TNRC6B: variants seen among roughly 807,000 people sequenced by gnomAD.
TNRC6B encodes trinucleotide repeat-containing gene 6B protein.
TNRC6B carries 52 observed loss-of-function variants against 203.6 expected under a neutral mutation model. The ratio of observed to expected loss-of-function variants is 0.26; its 90% CI spans 0.20 to 0.32. TNRC6B has a LOEUF of 0.32. Among genes scored for constraint, TNRC6B ranks in the 10% least tolerant of loss-of-function variants. TNRC6B has a pLI of 1.00. For missense variants in TNRC6B, 1,923 were observed against 2,286.2 expected, an observed-to-expected ratio of 0.84 and a Z score of 3.24; for synonymous variants, 838 against 845.7, an observed-to-expected ratio of 0.99 and a Z score of 0.16.
intron 4 of TNRC6B, 150 bp from the exon 5 acceptor site, chr22:40,264,538 A>G (rs1308985832): frequency 2.5e-6 from 2 of 795,544 alleles, no homozygotes; most frequent in African/African-American, 3.5e-5. Context: ...AGAGATGACT[A>G]AGACAGTTGT....
chr22:40,274,393 C>T (rs1262387421), intron 7 of TNRC6B, among the ~76,000 whole-genome samples: 1 of 151,552 alleles, frequency 6.6e-6, no homozygotes, highest in African/African-American at 2.4e-5. Context: ...TACTTGTGTG[C>T]TATAGCAGCT....
chr22:40,219,127 A>G (rs1315808231), intron 1 of TNRC6B, among the ~76,000 whole-genome samples: 4 of 152,194 alleles, frequency 2.6e-5, no homozygotes. Flanking sequence ...CCCATTGTAT[A>G]GGATTTGTTT....
In TNRC6B at chr22:40,326,620, C is replaced by T. The variant is rs956953699; in HGVS notation, c.*3379C>T. 3.3e-5 allele frequency: 5 copies of T among 152,236 alleles called. No individual in the cohort carries two copies. Among genetic ancestry groups the T allele is most frequent in the Non-Finnish European group, 7.4e-5 (5 of 67,974 alleles). The allele number at this position is 152,236 out of a possible 1,614,324, so 9.4% of individuals were successfully genotyped here. Reference sequence around the variant, plus strand: ...TTATTTTTTTAAAGGAACCCTTCTCCTTGTCCCCACAACCCCAGCAACAAA... The same window carrying T: ...TTATTTTTTTAAAGGAACCCTTCTCTTTGTCCCCACAACCCCAGCAACAAA... On this transcript the variant is annotated 3_prime_UTR_variant, in exon 23 of 23. Coordinates refer to ENST00000454349, the MANE Select transcript of TNRC6B (RefSeq NM_001162501.2).
chr22:40,086,966 T>C (rs1330117708), intron 1 of TNRC6B, among the ~76,000 whole-genome samples: 1 of 152,150 alleles, frequency 6.6e-6, no homozygotes, highest in African/African-American at 2.4e-5. Context: ...GTCTTTTTTT[T>C]ATCTCCAGGT....
At chr22:40,122,067 T>C (rs959214130) in intron 2 of TNRC6B, among the ~76,000 whole-genome samples, 3 of 152,240 alleles carry the variant, frequency 2.0e-5, no homozygotes, top group African/African-American at 7.2e-5. Flanking sequence ...ATTTTAGTTC[T>C]TGTCTATTTA....
chr22:40,245,897 C>A, intron 1 of TNRC6B, 118 bp from the exon 2 acceptor site: 1 of 612,024 alleles, frequency 1.6e-6, no homozygotes, highest in South Asian at 2.5e-5. Flanking sequence ...ATACTGTGTT[C>A]TATTCAGTCA....
At chr22:40,313,791 G>C (rs1274433156) in intron 19 of TNRC6B, among the ~76,000 whole-genome samples, 1 of 152,162 alleles carries the variant, frequency 6.6e-6, no homozygotes, top group Non-Finnish European at 1.5e-5. Context: ...ACCACTCACT[G>C]AATGATCCCA....
At chr22:40,045,309 G>C (rs1047050296) in intron 1 of TNRC6B, among the ~76,000 whole-genome samples, 3 of 147,598 alleles carry the variant, frequency 2.0e-5, no homozygotes, top group Non-Finnish European at 4.5e-5. Flanking sequence ...TCCGGCGCGC[G>C]GGCCGGGGCG....
intron 1 of TNRC6B, among the ~76,000 whole-genome samples, chr22:40,195,254 T>G (rs6001831): frequency 0.67 from 102,626 of 152,114 alleles, 36,225 homozygotes; most frequent in African/African-American, 0.89. Flanking sequence ...CACATCATCT[T>G]ACATGCCAAG....
At chr22:40,091,184 C>T (rs867857320) in intron 1 of TNRC6B, among the ~76,000 whole-genome samples, 18 of 151,968 alleles carry the variant, frequency 1.2e-4, no homozygotes, top group Middle Eastern at 6.8e-3. Context: ...AGGGTTTCAC[C>T]GTGTTAGCCA....
chr22:40,100,619 C>T (rs1006337760), intron 1 of TNRC6B, among the ~76,000 whole-genome samples: 1 of 152,216 alleles, frequency 6.6e-6, no homozygotes, highest in Non-Finnish European at 1.5e-5. Context: ...CTCCTAGCCT[C>T]AGGCGATTCT....
intron 1 of TNRC6B, among the ~76,000 whole-genome samples, chr22:40,065,459 A>AT (rs57355287): frequency 1.3e-4 from 19 of 151,914 alleles, no homozygotes; most frequent in Non-Finnish European, 2.2e-4. Flanking sequence ...CTTTATAGGA[A>AT]TTTTTTTTAT....
In TNRC6B at chr22:40,270,643, A is replaced by G. The variant is rs189043441; in HGVS notation, c.2965+363A>G. 3.9e-5 allele frequency among the ~76,000 whole-genome samples: 6 copies of G among 152,106 alleles called. No individual in the cohort carries two copies. In the East Asian group the frequency reaches 1.2e-3, roughly 29 times the overall value. On this transcript the variant is annotated intron_variant, in intron 6 of 22. Coordinates refer to ENST00000454349, the MANE Select transcript of TNRC6B (RefSeq NM_001162501.2). ...GGGATTCTTTGTTAAATGTTTGTCAAATGTCAGATTTGAGAATCTGACATT... is the reference window on the plus strand; with the variant it reads ...GGGATTCTTTGTTAAATGTTTGTCAGATGTCAGATTTGAGAATCTGACATT...
At chr22:40,239,699 G>A (rs978945395) in intron 1 of TNRC6B, among the ~76,000 whole-genome samples, 1 of 152,184 alleles carries the variant, frequency 6.6e-6, no homozygotes, top group African/African-American at 2.4e-5. Context: ...GACCATTGGA[G>A]GGTTCAGTTC....
In TNRC6B at chr22:40,234,009, G is replaced by T. The variant is rs147166288; in HGVS notation, c.6-12006G>T. On this transcript the variant is annotated intron_variant, in intron 1 of 22. Coordinates refer to ENST00000454349, the MANE Select transcript of TNRC6B (RefSeq NM_001162501.2). ...TTAATCTAAAATACCTTCCCAGGCCGAGTGCGGTGCTCACACCTGTAATCC... is the reference window on the plus strand; with the variant it reads ...TTAATCTAAAATACCTTCCCAGGCCTAGTGCGGTGCTCACACCTGTAATCC... Among the ~76,000 whole-genome samples the T allele has an allele frequency of 5.9e-5, 9 of 152,330 alleles. 1 individual carries two copies. The highest frequency in any genetic ancestry group is 3.9e-4 in the Admixed American group (6 of 15,302).
chr22:40,189,522 T>C (rs1237768094), intron 1 of TNRC6B, among the ~76,000 whole-genome samples: 1 of 151,662 alleles, frequency 6.6e-6, no homozygotes, highest in African/African-American at 2.4e-5. Flanking sequence ...AAAAGAGGTT[T>C]CTTTCCTAAT....
chr22:40,063,782 A>G (rs1272421036), intron 1 of TNRC6B, among the ~76,000 whole-genome samples: 1 of 151,958 alleles, frequency 6.6e-6, no homozygotes, highest in African/African-American at 2.4e-5. Flanking sequence ...AGCTTACTGC[A>G]GCCTTGACCT....
chr22:40,312,616 A>C lies in TNRC6B; in HGVS notation c.4547A>C (p.Asp1516Ala). 1 of 1,613,462 alleles carries C rather than the reference A, an allele frequency of 6.2e-7. No individual in the cohort carries two copies. The highest frequency in any genetic ancestry group is 8.5e-7 in the Non-Finnish European group (1 of 1,179,772). ...GGTACAGCCACATCTCCCATTGTAGATACTGACCACCAACTGCTGCGGGAT... is the reference window on the plus strand; with the variant it reads ...GGTACAGCCACATCTCCCATTGTAGCTACTGACCACCAACTGCTGCGGGAT... ...LGGTATSPIV[D>A]TDHQLLRDNT... Residue 1516 changes from aspartate (D) to alanine (A), a missense_variant, in exon 18 of 23, where the codon GAT (aspartate) becomes GCT (alanine). Physicochemically the swap from Asp to Ala is moderately radical, Grantham distance 126. Transcript: ENST00000454349.
intron 1 of TNRC6B, among the ~76,000 whole-genome samples, chr22:40,238,373 G>GA (rs1171209177): frequency 9.2e-5 from 14 of 152,130 alleles, no homozygotes; most frequent in Non-Finnish European, 1.8e-4. Context: ...GCATTTAGGT[G>GA]CTTGTGTTCA....
Sources: allele counts gnomAD v4.1 joint callset (sites outside exome capture counted in the v4.1 genomes callset), GRCh38; gene constraint gnomAD v4.1.1; transcripts MANE v1.5; gene names NCBI Gene and HGNC (gene_info 2026-07-23, HGNC 2026-07-21).